DBNL: variants seen among roughly 807,000 people sequenced by gnomAD.
The protein encoded by DBNL is drebrin-like protein.
In DBNL, 35 loss-of-function variants were observed where a neutral mutation model predicts 62.2. The observed-to-expected ratio is 0.56, with a 90% CI of 0.43 to 0.75. The LOEUF (loss-of-function observed/expected upper bound fraction) is 0.75. Ranked by LOEUF, DBNL falls within the 30% of genes least tolerant of loss-of-function variation. The probability of loss-of-function intolerance (pLI) is 0.00; values close to 1 mark genes in which losing one functional copy is unlikely to be tolerated. For synonymous variants in DBNL, 197 were observed against 218.0 expected (o/e 0.90, Z 0.85); for missense variants, 495 against 578.4 (o/e 0.86, Z 1.48).
intron 6 of DBNL, 134 bp downstream of exon 6, chr7:44,057,993 G>A: frequency 6.6e-7 from 1 of 1,524,708 alleles, no homozygotes; most frequent in South Asian, 1.2e-5. Context: ...TGAGGCTCGG[G>A]TAAGTTAAGC....
intron 4 of DBNL, among the ~76,000 whole-genome samples, chr7:44,056,171 C>T (rs1046683741): frequency 6.3e-4 from 96 of 152,074 alleles, no homozygotes; most frequent in Admixed American, 3.7e-3. Context: ...TGAAGGAGAC[C>T]GTCCTTTCCC....
At position 44,051,960 on chromosome 7, in the gene DBNL, C is replaced by T. The variant is rs779472775; in HGVS notation, c.252+18C>T. On this transcript the variant is annotated intron_variant, in intron 3 of 12. Transcript: ENST00000448521. ...TCAACTGGGTATGTGGAGCCTGTTT[C>T]ATCTAGGTGTGACCCAGGAAACCCC... 1.1e-5 allele frequency: 17 copies of T among 1,609,232 alleles called. No individual in the cohort carries two copies. Among genetic ancestry groups the T allele is most frequent in the Non-Finnish European group, 1.4e-5 (16 of 1,175,918 alleles).
rs1181167272 is a variant in DBNL, at chr7:44,068,972, G to A, written c.*8056G>A. 5 of 152,164 alleles carry A rather than the reference G, an allele frequency of 3.3e-5. No individual in the cohort carries two copies. The highest frequency in any genetic ancestry group is 2.1e-4 in the South Asian group (1 of 4,832). 9.4% of individuals were successfully genotyped at this position (152,164 alleles called of 1,614,324 possible). A position where few individuals can be genotyped will look rare whatever the true frequency, so the allele number is the denominator to read the frequency against. On this transcript the variant is annotated 3_prime_UTR_variant, in exon 13 of 13. Transcript: ENST00000448521. ...GACTGGATCTTCACCAGAAACTATA[G>A]AGGCCAGAAAGAAGTGGAACATTTT... is the stretch of plus-strand genomic sequence containing the variant.
At position 44,062,740 on chromosome 7, in the gene DBNL, G is replaced by A. The variant is rs2096151564; in HGVS notation, c.*1824G>A. ...TGGACTCCAGGCTGTTGGGGGAGGT[G>A]CCTTTATTGCCCAAGCCCACCCCTC... On this transcript the variant is annotated 3_prime_UTR_variant, in exon 13 of 13. Coordinates refer to ENST00000448521, the MANE Select transcript of DBNL (RefSeq NM_001014436.3). 2.5e-6 allele frequency: 4 copies of A among 1,612,900 alleles called. No individual in the cohort carries two copies. The highest frequency in any genetic ancestry group is 1.1e-5 in the South Asian group (1 of 90,994).
In DBNL at chr7:44,059,194, C is replaced by T. The variant is rs1484175547; in HGVS notation, c.836-160C>T. Among the ~76,000 whole-genome samples, 4 of 152,224 alleles carry T rather than the reference C, an allele frequency of 2.6e-5. No individual in the cohort carries two copies. The highest frequency in any genetic ancestry group is 5.9e-5 in the Non-Finnish European group (4 of 68,044). ...AGATATTGGGCTGCGCTGTCTACCACGTCACCACATAGCACATGGCCCTGG... is the reference window on the plus strand; with the variant it reads ...AGATATTGGGCTGCGCTGTCTACCATGTCACCACATAGCACATGGCCCTGG... On this transcript the variant is annotated intron_variant, in intron 9 of 12. Transcript: ENST00000448521. This position sits in a 1 kb window ranked among gnomAD's most constrained non-coding sequence, Gnocchi z 4.1.
At position 44,053,878 on chromosome 7, in the gene DBNL, G is replaced by A. The variant is rs1306904613; in HGVS notation, c.327+937G>A. Among the ~76,000 whole-genome samples, 22 of 151,968 alleles carry A rather than the reference G, an allele frequency of 1.4e-4. No individual in the cohort carries two copies. The East Asian group carries it at 3.5e-3, about 24-fold the overall frequency. On this transcript the variant is annotated intron_variant, in intron 4 of 12. Coordinates refer to ENST00000448521, the MANE Select transcript of DBNL (RefSeq NM_001014436.3). ...TTTTTAGTAGAGACGGGGTTTCACT[G>A]TGTTAGCCAGGATGGTCTCGATCTC...
chr7:44,057,683 A>C, intron 5 of DBNL, 99 bp from the exon 6 acceptor site: 1 of 1,326,000 alleles, frequency 7.5e-7, no homozygotes, highest in Non-Finnish European at 1.1e-6. Flanking sequence ...AGCAGCACTC[A>C]CCTGTGCTGT....
Position 44,058,991 on chromosome 7 carries a change from C to T in DBNL, c.835+8C>T. On this transcript the variant is annotated splice_region_variant and intron_variant, in intron 9 of 12. Coordinates refer to ENST00000448521, the MANE Select transcript of DBNL (RefSeq NM_001014436.3). ...TCTCCAGTCCTCAGCCTGGTGAGCT[C>T]TCCCTTTGGGCCTGGCCATGAGGCA... is the stretch of plus-strand genomic sequence containing the variant. The T allele has an allele frequency of 6.2e-7, 1 of 1,613,830 alleles. No individual in the cohort carries two copies. Among genetic ancestry groups the T allele is most frequent in the South Asian group, 1.1e-5 (1 of 91,072 alleles).
At chr7:44,051,775 G>A in intron 2 of DBNL, 55 bp from the exon 3 acceptor site, 2 of 1,570,620 alleles carry the variant, frequency 1.3e-6, no homozygotes, top group Non-Finnish European at 1.7e-6. Context: ...GGTGGGACCA[G>A]GGCCAGCAGG....
chr7:44,061,078 C>A lies in DBNL; in HGVS notation c.*162C>A. ...GCTTGGCAGACTCAGCCTGTCACCCCAAATGCAGCAATGGCCTGGTGATTC... is the reference window on the plus strand; with the variant it reads ...GCTTGGCAGACTCAGCCTGTCACCCAAAATGCAGCAATGGCCTGGTGATTC... On this transcript the variant is annotated 3_prime_UTR_variant, in exon 13 of 13. Coordinates refer to ENST00000448521, the MANE Select transcript of DBNL (RefSeq NM_001014436.3). 1 of 902,106 alleles carries A rather than the reference C, an allele frequency of 1.1e-6. No homozygotes were observed. The highest frequency in any genetic ancestry group is 1.6e-6 in the Non-Finnish European group (1 of 613,550). 55.9% of individuals were successfully genotyped at this position (902,106 alleles called of 1,614,324 possible).
intron 1 of DBNL, 21 bp from the exon 2 acceptor site, chr7:44,050,204 C>T: frequency 1.2e-6 from 2 of 1,613,186 alleles, no homozygotes; most frequent in Non-Finnish European, 1.7e-6. Context: ...GGCTACAGAG[C>T]TCACTTGTGT....
rs140545494 is a variant in DBNL at position 44,065,411 on chromosome 7, C to A, written c.*4495C>A. The A allele has an allele frequency of 6.2e-7, 1 of 1,614,168 alleles. No individual in the cohort carries two copies. The highest frequency in any genetic ancestry group is 1.7e-5 in the Admixed American group (1 of 60,032). ...GGCATCCTTGATGGCCTTGGCTCCC[C>A]GCTTGGCCTCCTCGGTCCCCTTTTC... On this transcript the variant is annotated 3_prime_UTR_variant, in exon 13 of 13. Transcript: ENST00000448521.
At position 44,062,157 on chromosome 7, in the gene DBNL, GCTCCTGGCCTTC is replaced by G. The variant is rs1046167769; in HGVS notation, c.*1244_*1255del. The stretch of plus-strand genomic sequence containing the variant: ...TGAAGGCTGCATGGAGCCCAACCTT[GCTCCTGGCCTTC>G]CTGTGCTCAGGCCTCTCCCCTTTTC... On this transcript the variant is annotated 3_prime_UTR_variant, in exon 13 of 13. Coordinates refer to ENST00000448521, the MANE Select transcript of DBNL (RefSeq NM_001014436.3). 6 of 163,740 alleles carry G rather than the reference GCTCCTGGCCTTC, an allele frequency of 3.7e-5. No homozygotes were observed. Among genetic ancestry groups the G allele is most frequent in the African/African-American group, 1.4e-4 (6 of 41,630 alleles). The allele number at this position is 163,740 out of a possible 1,614,324, so 10.1% of individuals were successfully genotyped here. A position where few individuals can be genotyped will look rare whatever the true frequency, so the allele number is the denominator to read the frequency against.
rs1366335641 is a variant in DBNL at position 44,050,226 on chromosome 7, G to C, written c.85G>C (p.Ala29Pro). Residue 29 changes from alanine (A) to proline (P), a missense_variant and splice_region_variant, in exon 2 of 13, where the codon GCT becomes CCT. Transcript: ENST00000448521. ...VVTEKSPTDW[A>P]LFTYEGNSND... ...GAGCTCACTTGTGTTTCGTTTCAGG[G>C]CTCTCTTTACCTATGAAGGCAACAG... is the stretch of plus-strand genomic sequence containing the variant. 1.2e-6 allele frequency: 2 copies of C among 1,613,352 alleles called. No homozygotes were observed. The highest frequency in any genetic ancestry group is 3.3e-5 in the Admixed American group (2 of 59,968).
intron 1 of DBNL, chr7:44,049,994 C>T (rs1372454126): frequency 2.1e-6 from 1 of 485,478 alleles, no homozygotes; most frequent in African/African-American, 2.0e-5. Flanking sequence ...ACCCCCACCC[C>T]ATGGTAAGTC....
intron 1 of DBNL, among the ~76,000 whole-genome samples, chr7:44,047,501 A>G (rs1183936245): frequency 6.6e-6 from 1 of 152,122 alleles, no homozygotes; most frequent in Non-Finnish European, 1.5e-5. Flanking sequence ...CACCTGGTTC[A>G]TGTGTCACCT....
In DBNL at chr7:44,059,477, C is replaced by A; in HGVS notation, c.931+28C>A. The A allele has an allele frequency of 6.2e-7, 1 of 1,613,654 alleles. No individual in the cohort carries two copies. The highest frequency in any genetic ancestry group is 8.5e-7 in the Non-Finnish European group (1 of 1,179,804). ...AAGGCGCTTGTCACCCCATGGGGAC[C>A]CTGGGGGACAGCAGTGGAGAAGGGG... On this transcript the variant is annotated intron_variant, in intron 10 of 12. Transcript: ENST00000448521. The surrounding 1 kb of genome is among the most constrained non-coding windows in gnomAD (Gnocchi z 4.1).
In DBNL at chr7:44,063,048, G is replaced by T; in HGVS notation, c.*2132G>T. 1 of 1,105,050 alleles carries T rather than the reference G, an allele frequency of 9.0e-7. No homozygotes were observed. Among genetic ancestry groups the T allele is most frequent in the Non-Finnish European group, 1.4e-6 (1 of 728,232 alleles). 68.5% of individuals were successfully genotyped at this position (1,105,050 alleles called of 1,614,324 possible). A position where few individuals can be genotyped will look rare whatever the true frequency, so the allele number is the denominator to read the frequency against. ...TTCCCCTGGCACCAATTCCTTCCCA[G>T]CCCTGAGAACGAGGCCACAGAAATG... On this transcript the variant is annotated 3_prime_UTR_variant, in exon 13 of 13. Transcript: ENST00000448521.
chr7:44,045,593 C>T (rs1022099829), intron 1 of DBNL, among the ~76,000 whole-genome samples: 4 of 152,162 alleles, frequency 2.6e-5, no homozygotes, highest in Non-Finnish European at 5.9e-5. Flanking sequence ...CTAAGGTGAC[C>T]AACTTTGGGG....
Sources: gnomAD v4.1 joint callset for allele counts (sites outside exome capture counted in the v4.1 genomes callset) on GRCh38, gnomAD v4.1.1 for gene constraint, Gnocchi (gnomAD v3.1) non-coding constraint, MANE v1.5 for transcripts, NCBI Gene and HGNC (gene_info 2026-07-23, HGNC 2026-07-21) for gene names.